SEM1: variants seen among roughly 807,000 people sequenced by gnomAD.
The protein encoded by SEM1 is SEM1 26S proteasome subunit.
In SEM1, 3 loss-of-function variants were observed where a neutral mutation model predicts 12.7. The ratio of observed to expected loss-of-function variants is 0.24; its 90% confidence interval spans 0.11 to 0.61. The LOEUF is 0.61. Among genes scored for constraint, SEM1 ranks in the 20% least tolerant of loss-of-function variants. SEM1 has a pLI of 0.88. For missense variants in SEM1, 59 were observed against 81.3 expected (o/e 0.73, Z 1.06); for synonymous variants, 30 against 27.8 (o/e 1.08, Z -0.25).
chr7:96,620,947 T>C (rs1807873794), downstream of SEM1, among the ~76,000 whole-genome samples: 1 of 152,206 alleles, frequency 6.6e-6, no homozygotes, highest in Non-Finnish European at 1.5e-5. Context: ...TTGTGTGTTT[T>C]GGGGCAGTTG....
At chr7:96,589,057 C>T (rs980349249) in intron 2 of SEM1, among the ~76,000 whole-genome samples, 3 of 152,184 alleles carry the variant, frequency 2.0e-5, no homozygotes, top group Non-Finnish European at 4.4e-5. Flanking sequence ...ATGGCTGTTG[C>T]CTCTGATGAT....
chr7:96,673,646 C>T (rs976931064), exon 3 of SEM1: 1 of 667,514 alleles, frequency 1.5e-6, no homozygotes, highest in African/African-American at 1.8e-5. Context: ...TCCCTCCTTA[C>T]TGACTCCATG....
At chr7:96,522,729 C>CA (rs951566524) in intron 2 of SEM1, among the ~76,000 whole-genome samples, 1 of 125,116 alleles carries the variant, frequency 8.0e-6, no homozygotes, top group Non-Finnish European at 1.8e-5. Context: ...AATACCCCCC[C>CA]CCCAAAAAAA....
intron 2 of SEM1, among the ~76,000 whole-genome samples, chr7:96,563,382 A>T (rs935713492): frequency 6.6e-6 from 1 of 152,108 alleles, no homozygotes; most frequent in African/African-American, 2.4e-5. Context: ...ATAAAATAGT[A>T]ACCTAGGAAA....
intron 2 of SEM1, among the ~76,000 whole-genome samples, chr7:96,527,400 A>G (rs879284232): frequency 6.6e-6 from 1 of 152,108 alleles, no homozygotes; most frequent in African/African-American, 2.4e-5. Flanking sequence ...CCAGGATCTG[A>G]AATTCACACC....
chr7:96,688,932 T>C lies in SEM1; in HGVS notation c.205A>G (p.Thr69Ala). 6.3e-7 allele frequency: 1 copy of C among 1,595,748 alleles called. No homozygotes were observed. The highest frequency in any genetic ancestry group is 8.6e-7 in the Non-Finnish European group (1 of 1,164,740). ...AACACTTCTTCTGGATGCTATGAAG[T>C]CTCCATCTTATAACCATGTTTCTCT... ...ELEKHGYKME[T>A]S Residue 69 changes from threonine (T) to alanine (A), a missense_variant, in exon 3 of 3, where the codon ACT (threonine) becomes GCT (alanine). Thr to Ala is a moderately conservative substitution (Grantham distance 58). Transcript: ENST00000248566.
chr7:96,595,903 A>G (rs1251904872), intron 2 of SEM1, among the ~76,000 whole-genome samples: 1 of 152,118 alleles, frequency 6.6e-6, no homozygotes, highest in Non-Finnish European at 1.5e-5. Flanking sequence ...GAAGGTGCTT[A>G]TGGCCAACAA....
chr7:96,545,454 A>G (rs1584752149), intron 2 of SEM1, among the ~76,000 whole-genome samples: 1 of 152,058 alleles, frequency 6.6e-6, no homozygotes, highest in East Asian at 1.9e-4. Flanking sequence ...ATTCCATATG[A>G]GGGGAAAAAA....
At chr7:96,575,678 A>G (rs1806181071) in intron 2 of SEM1, among the ~76,000 whole-genome samples, 1 of 152,224 alleles carries the variant, frequency 6.6e-6, no homozygotes, top group East Asian at 1.9e-4. Flanking sequence ...GAGAGGAGGA[A>G]TCCAGAGAAG....
downstream of SEM1, chr7:96,622,407 G>C: frequency 1.9e-6 from 1 of 513,436 alleles, no homozygotes; most frequent in East Asian, 2.9e-5. Flanking sequence ...TCTTGTATTT[G>C]AATCACTGAG....
intron 2 of SEM1, among the ~76,000 whole-genome samples, chr7:96,517,470 T>C (rs910796270): frequency 3.3e-5 from 5 of 152,182 alleles, no homozygotes; most frequent in Non-Finnish European, 7.4e-5. Context: ...TTTCAACATA[T>C]GTATAGTTGA....
At chr7:96,667,172 C>T (rs1158101993) in intron 2 of SEM1, among the ~76,000 whole-genome samples, 4 of 152,160 alleles carry the variant, frequency 2.6e-5, no homozygotes, top group Non-Finnish European at 4.4e-5. Context: ...GATAAAGAGG[C>T]ATAATTCTCT....
At chr7:96,662,005 A>AG (rs1462268014) in intron 2 of SEM1, among the ~76,000 whole-genome samples, 3 of 148,764 alleles carry the variant, frequency 2.0e-5, no homozygotes, top group East Asian at 3.9e-4. Flanking sequence ...AAAAAAAAAA[A>AG]AAAAAGTCAG....
intron 2 of SEM1, among the ~76,000 whole-genome samples, chr7:96,590,972 C>A (rs745517603): frequency 6.6e-6 from 1 of 152,094 alleles, no homozygotes; most frequent in Non-Finnish European, 1.5e-5. Flanking sequence ...ATGAAACTAT[C>A]TAAAGTAAAC....
downstream of SEM1, among the ~76,000 whole-genome samples, chr7:96,620,407 C>T (rs1807855005): frequency 6.6e-6 from 1 of 152,192 alleles, no homozygotes; most frequent in Non-Finnish European, 1.5e-5. Flanking sequence ...GCTAGACTCT[C>T]AGAATGGTGC....
chr7:96,695,262 T>C, intron 1 of SEM1: 1 of 163,282 alleles, frequency 6.1e-6, no homozygotes, highest in Non-Finnish European at 1.3e-5. Flanking sequence ...CAGTGTGAAA[T>C]TCAAAACTGC....
At chr7:96,503,518 A>C (rs1211055975) in intron 3 of SEM1, 1 of 152,124 alleles carries the variant, frequency 6.6e-6, no homozygotes, top group African/African-American at 2.4e-5. Context: ...GCATATCGTG[A>C]ATTGCGTAAG....
chr7:96,646,538 T>A (rs541083391), intron 2 of SEM1, among the ~76,000 whole-genome samples: 15 of 152,190 alleles, frequency 9.9e-5, no homozygotes, highest in African/African-American at 3.6e-4. Flanking sequence ...TTTTTAAATA[T>A]ACAAACTATA....
chr7:96,538,652 G>C (rs1007423604), intron 2 of SEM1, among the ~76,000 whole-genome samples: 1 of 151,762 alleles, frequency 6.6e-6, no homozygotes, highest in African/African-American at 2.4e-5. Context: ...GTATGGAGGA[G>C]GGGAAGCATT....
Sources: allele counts gnomAD v4.1 joint callset (sites outside exome capture counted in the v4.1 genomes callset), GRCh38; gene constraint gnomAD v4.1.1; transcripts MANE v1.5; gene names NCBI Gene and HGNC (gene_info 2026-07-23, HGNC 2026-07-21).